MAP3K5: variants seen among roughly 807,000 people sequenced by gnomAD.
MAP3K5 encodes the protein ASK-1.
Under a neutral mutation model 158.7 loss-of-function variants are expected in MAP3K5, and 56 were observed. That is an observed-to-expected ratio of 0.35 (90% CI 0.28 to 0.44). The LOEUF (loss-of-function observed/expected upper bound fraction) is 0.44, where lower values mean the gene tolerates loss of function less well. MAP3K5 is among the 20% of genes least tolerant of loss of function. MAP3K5 has a pLI of 1.00. For missense variants in MAP3K5, 1,294 were observed against 1,674.8 expected, an observed-to-expected ratio of 0.77 and a Z score of 3.97; for synonymous variants, 579 against 601.7, an observed-to-expected ratio of 0.96 and a Z score of 0.55.
intron 1 of MAP3K5, among the ~76,000 whole-genome samples, chr6:136,780,011 G>A (rs1570053): frequency 1 from 151,699 of 152,304 alleles, 75,551 homozygotes; most frequent in East Asian, 1. Flanking sequence ...ACAGGCATAG[G>A]GCCTGCTGAG....
intron 1 of MAP3K5, among the ~76,000 whole-genome samples, chr6:136,753,417 G>A (rs1783312979): frequency 6.6e-6 from 1 of 152,010 alleles, no homozygotes; most frequent in Admixed American, 6.5e-5. Flanking sequence ...GATGGGGCAT[G>A]AATCTCTCTT....
intron 11 of MAP3K5, among the ~76,000 whole-genome samples, chr6:136,644,159 T>C (rs1381534741): frequency 2.6e-5 from 4 of 152,084 alleles, no homozygotes; most frequent in Admixed American, 6.6e-5. Context: ...TAAGTAAAAA[T>C]TGTGGACTGG....
At chr6:136,618,263 C>T (rs1776651369) in intron 15 of MAP3K5, among the ~76,000 whole-genome samples, 1 of 152,242 alleles carries the variant, frequency 6.6e-6, no homozygotes, top group Admixed American at 6.5e-5. Flanking sequence ...GTCCACACCC[C>T]TCCAGGTTAC....
In MAP3K5 at chr6:136,759,746, C is replaced by T. The variant is rs961071250; in HGVS notation, c.448+31964G>A. 2.7e-5 allele frequency among the ~76,000 whole-genome samples: 4 copies of T among 147,226 alleles called. No homozygotes were observed. The East Asian group carries it at 6.1e-4, about 22-fold the overall frequency. The stretch of plus-strand genomic sequence containing the variant: ...CCTCAGGATTATAGGTGTGAGCTAC[C>T]GCACCCAGCCCTCTATTTTTTTTTT... On this transcript the variant is annotated intron_variant, in intron 1 of 29. Coordinates refer to ENST00000359015, the MANE Select transcript of MAP3K5 (RefSeq NM_005923.4).
chr6:136,679,141 T>C (rs1410820996), intron 7 of MAP3K5, among the ~76,000 whole-genome samples: 1 of 152,252 alleles, frequency 6.6e-6, no homozygotes, highest in African/African-American at 2.4e-5. Context: ...TTATGATTAG[T>C]ACTGTATTTG....
intron 7 of MAP3K5, among the ~76,000 whole-genome samples, chr6:136,681,146 C>T (rs894266752): frequency 3.9e-5 from 6 of 152,304 alleles, no homozygotes; most frequent in East Asian, 1.9e-4. Flanking sequence ...TGCAAACAAT[C>T]GCTTTGGTTC....
rs574807683 is a variant in MAP3K5 at position 136,640,541 on chromosome 6, C to T, written c.1839-903G>A. Among the ~76,000 whole-genome samples the T allele has an allele frequency of 6.6e-5, 10 of 152,286 alleles. 2 individuals are homozygous for T. In the South Asian group the frequency reaches 2.1e-3, roughly 32 times the overall value. On this transcript the variant is annotated intron_variant, in intron 12 of 29. Transcript: ENST00000359015. ...CCTTCTCTCCCTGCCCTACTTCTGC[C>T]CTAAACAGAAAGACTTCCTCTTACA...
At position 136,609,863 on chromosome 6, in the gene MAP3K5, G is replaced by A. The variant is rs946139426; in HGVS notation, c.2521+1419C>T. Reference sequence around the variant, plus strand: ...CATCCTAGATACTTAGGAGAGTGGGGTGGGTGGACTGCTTAAACCCAGGAG... The same window carrying A: ...CATCCTAGATACTTAGGAGAGTGGGATGGGTGGACTGCTTAAACCCAGGAG... On this transcript the variant is annotated intron_variant, in intron 18 of 29. Transcript: ENST00000359015. The surrounding 1 kb of genome is among the most constrained non-coding windows in gnomAD (Gnocchi z 4.4). Among the ~76,000 whole-genome samples the A allele has an allele frequency of 4.5e-4, 68 of 150,900 alleles. No individual in the cohort carries two copies. Among genetic ancestry groups the A allele is most frequent in the Admixed American group, 2.0e-4 (3 of 15,026 alleles).
chr6:136,704,252 A>G (rs1941945571), intron 3 of MAP3K5, among the ~76,000 whole-genome samples: 1 of 152,162 alleles, frequency 6.6e-6, no homozygotes, highest in South Asian at 2.1e-4. Flanking sequence ...GCTAGCTCTC[A>G]ATATAAGCTA....
intron 11 of MAP3K5, among the ~76,000 whole-genome samples, chr6:136,643,076 T>C (rs1314334777): frequency 6.8e-6 from 1 of 147,426 alleles, no homozygotes; most frequent in East Asian, 1.9e-4. Context: ...TGAACACACA[T>C]GTGTACAGTG....
intron 7 of MAP3K5, among the ~76,000 whole-genome samples, chr6:136,685,084 G>A (rs1422909076): frequency 6.6e-6 from 1 of 152,110 alleles, no homozygotes; most frequent in African/African-American, 2.4e-5. Flanking sequence ...GGGAGGTGAG[G>A]CAGGTGGATC....
chr6:136,751,985 T>C (rs1401072908), intron 1 of MAP3K5, among the ~76,000 whole-genome samples: 1 of 152,256 alleles, frequency 6.6e-6, no homozygotes, highest in East Asian at 1.9e-4. Context: ...TATTATTTTT[T>C]AAGTCATCTT....
chr6:136,666,078 T>C (rs1583378782), intron 8 of MAP3K5, among the ~76,000 whole-genome samples: 1 of 152,226 alleles, frequency 6.6e-6, no homozygotes, highest in Non-Finnish European at 1.5e-5. Context: ...TTGAATATTA[T>C]TTTTAAGGCT....
At chr6:136,741,538 A>C (rs192182275) in intron 1 of MAP3K5, among the ~76,000 whole-genome samples, 1 of 151,986 alleles carries the variant, frequency 6.6e-6, no homozygotes, top group Non-Finnish European at 1.5e-5. Context: ...AGCTAACATC[A>C]TACTTAATGG....
intron 13 of MAP3K5, 128 bp from the exon 14 acceptor site, chr6:136,637,534 A>G (rs1164015892): frequency 3.2e-6 from 2 of 629,950 alleles, no homozygotes; most frequent in African/African-American, 1.8e-5. Flanking sequence ...GCAATAACAC[A>G]CTATCAAGAT....
At chr6:136,666,498 T>C (rs971360281) in intron 8 of MAP3K5, among the ~76,000 whole-genome samples, 9 of 152,184 alleles carry the variant, frequency 5.9e-5, no homozygotes, top group African/African-American at 2.2e-4. Context: ...ATGGGAGGTA[T>C]AAATTACTGG....
intron 2 of MAP3K5, among the ~76,000 whole-genome samples, chr6:136,708,239 G>A (rs1285690826): frequency 1.3e-5 from 2 of 151,946 alleles, no homozygotes; most frequent in Non-Finnish European, 2.9e-5. Context: ...ATTTGATGAT[G>A]TTACTTAGTA....
chr6:136,642,046 A>G (rs1777990543), intron 12 of MAP3K5, among the ~76,000 whole-genome samples: 1 of 119,416 alleles, frequency 8.4e-6, no homozygotes, highest in Non-Finnish European at 1.7e-5. Flanking sequence ...AAAATAAAAT[A>G]AAATAAAATA....
At chr6:136,733,482 T>C (rs1379286036) in intron 1 of MAP3K5, among the ~76,000 whole-genome samples, 1 of 152,234 alleles carries the variant, frequency 6.6e-6, no homozygotes, top group Non-Finnish European at 1.5e-5. Flanking sequence ...GATATGAGCA[T>C]AGCAGTCTCC....
Sources: gnomAD v4.1 joint callset for allele counts (sites outside exome capture counted in the v4.1 genomes callset) on GRCh38, gnomAD v4.1.1 for gene constraint, Gnocchi (gnomAD v3.1) non-coding constraint, MANE v1.5 for transcripts, NCBI Gene and HGNC (gene_info 2026-07-23, HGNC 2026-07-21) for gene names.